ANK2: variants seen among roughly 807,000 people sequenced by gnomAD.
ANK2 encodes ankyrin-2.
In ANK2, 83 loss-of-function variants were observed where a neutral mutation model predicts 360.5. The ratio of observed to expected loss-of-function variants is 0.23; its 90% CI spans 0.19 to 0.28. The LOEUF (loss-of-function observed/expected upper bound fraction) is 0.28, where lower values mean the gene tolerates loss of function less well. Among genes scored for constraint, ANK2 ranks in the 10% least tolerant of loss-of-function variants. The pLI is 1.00. For missense variants in ANK2, 4,201 were observed against 4,795.7 expected, an observed-to-expected ratio of 0.88 and a Z score of 3.66; for synonymous variants, 1,740 against 1,759.5, an observed-to-expected ratio of 0.99 and a Z score of 0.28.
intron 2 of ANK2, among the ~76,000 whole-genome samples, chr4:113,016,503 G>A (rs1417212048): frequency 6.6e-6 from 1 of 151,948 alleles, no homozygotes; most frequent in Non-Finnish European, 1.5e-5. Context: ...TCTGCTCCAG[G>A]GATGCTCTTC....
Position 113,106,909 on chromosome 4 carries a change from C to A in ANK2, c.84+57097C>A, listed in dbSNP as rs761062263. The A allele has an allele frequency of 9.4e-6, 5 of 533,398 alleles. No individual in the cohort carries two copies. In the African/African-American group the frequency reaches 9.6e-5, roughly 10 times the overall value. 33.0% of individuals were successfully genotyped at this position (533,398 alleles called of 1,614,324 possible). A position where few individuals can be genotyped will look rare whatever the true frequency, so the allele number is the denominator to read the frequency against. ...GAGTGAAATAAAGGTCCATCTCCTG[C>A]CTATTTATTACTTTGCTTTGGTAAT... On this transcript the variant is annotated intron_variant, in intron 1 of 45. Coordinates refer to ENST00000357077, the MANE Select transcript of ANK2 (RefSeq NM_001148.6).
chr4:113,082,886 A>T (rs1021194592), intron 1 of ANK2, among the ~76,000 whole-genome samples: 2 of 152,144 alleles, frequency 1.3e-5, no homozygotes, highest in African/African-American at 4.8e-5. Flanking sequence ...TATAAAATCG[A>T]GCCATCTTTG....
At chr4:113,020,279 T>C (rs2057710453) in intron 2 of ANK2, among the ~76,000 whole-genome samples, 1 of 152,194 alleles carries the variant, frequency 6.6e-6, no homozygotes, top group Non-Finnish European at 1.5e-5. Flanking sequence ...CTTAAACTCC[T>C]GGTCTCAAGC....
chr4:113,127,472 T>G (rs1451378327), intron 1 of ANK2, among the ~76,000 whole-genome samples: 1 of 152,006 alleles, frequency 6.6e-6, no homozygotes, highest in Admixed American at 6.6e-5. Context: ...TTTTGTTTTT[T>G]TTTTTAATAC....
At position 112,821,499 on chromosome 4, in the gene ANK2, A is replaced by ATT. The variant is rs952095787; in HGVS notation, c.-40+3245_-40+3246dup. 1.4e-3 allele frequency among the ~76,000 whole-genome samples: 200 copies of ATT among 144,452 alleles called. 4 individuals carry two copies. Among genetic ancestry groups the ATT allele is most frequent in the African/African-American group, 3.9e-3 (155 of 39,258 alleles). 94.8% of individuals were successfully genotyped at this position (144,452 alleles called of 152,430 possible). ...CTTTCTGAGAATGTAGACTACCCTA[A>ATT]TTTTTTTTTTTATTTTTTTTTTGAG... is the stretch of plus-strand genomic sequence containing the variant. On this transcript the variant is annotated intron_variant, in intron 1 of 30. Coordinates refer to the ANK2 transcript ENST00000503271.
At chr4:113,177,205 C>T (rs954682990) in intron 2 of ANK2, among the ~76,000 whole-genome samples, 2 of 152,116 alleles carry the variant, frequency 1.3e-5, no homozygotes, top group Admixed American at 6.5e-5. Context: ...CTCAGCCTCC[C>T]GAGTAGCTGG....
In ANK2 at chr4:112,937,877, T is replaced by C. The variant is rs899971437; in HGVS notation, c.21+33363T>C. Among the ~76,000 whole-genome samples, 3 of 152,338 alleles carry C rather than the reference T, an allele frequency of 2.0e-5. No homozygotes were observed. The South Asian group carries it at 6.2e-4, about 32-fold the overall frequency. ...GGCCTCTGCAACTTATTAGCTGTCT[T>C]AGTGGCCTTGGGCAAGTTATTCCAT... On this transcript the variant is annotated intron_variant, in intron 2 of 30. Coordinates refer to the ANK2 transcript ENST00000503271.
At chr4:113,046,415 A>C (rs2064408247), upstream of ANK2, among the ~76,000 whole-genome samples, 1 of 152,068 alleles carries the variant, frequency 6.6e-6, no homozygotes, top group Non-Finnish European at 1.5e-5. Context: ...ATCATGTTGA[A>C]ACTTAACCCC....
At chr4:112,731,618 C>T in the ANK2 span, among the ~76,000 whole-genome samples, 2 of 150,766 alleles carry the variant, frequency 1.3e-5, no homozygotes, top group African/African-American at 4.9e-5. Flanking sequence ...TAGTCCCCAG[C>T]TATTTCAGAG....
chr4:113,243,965 T>C (rs2041437571), intron 9 of ANK2, among the ~76,000 whole-genome samples: 1 of 152,198 alleles, frequency 6.6e-6, no homozygotes, highest in African/African-American at 2.4e-5. Context: ...TTTGTTCTTA[T>C]TAATCAACAG....
upstream of ANK2, among the ~76,000 whole-genome samples, chr4:113,048,270 ATATATATTTTTTTTTTTTTTT>A (rs1212117696): frequency 3.2e-5 from 2 of 62,310 alleles, no homozygotes; most frequent in South Asian, 5.4e-4. Flanking sequence ...ATATATATAT[ATATATATTTTTTTTTTTTTTT>A]TTTTTTTTTT....
intron 1 of ANK2, among the ~76,000 whole-genome samples, chr4:112,889,841 C>T (rs1027062213): frequency 1.3e-5 from 2 of 152,166 alleles, no homozygotes; most frequent in Non-Finnish European, 2.9e-5. Context: ...AACACAATTA[C>T]CACATAATGT....
intron 2 of ANK2, among the ~76,000 whole-genome samples, chr4:113,195,417 T>A (rs986887306): frequency 6.6e-6 from 1 of 152,152 alleles, no homozygotes; most frequent in African/African-American, 2.4e-5. Context: ...ATAATGTAAA[T>A]AATTTCTATA....
At chr4:112,810,565 T>G in the ANK2 span, among the ~76,000 whole-genome samples, 4 of 152,260 alleles carry the variant, frequency 2.6e-5, no homozygotes, top group East Asian at 7.7e-4. Flanking sequence ...TTTTATTTTA[T>G]TTTTTAGATG....
At chr4:113,345,832 C>T (rs1265157153) in intron 34 of ANK2, 68 bp from the exon 35 acceptor site, 1 of 1,586,698 alleles carries the variant, frequency 6.3e-7, no homozygotes, top group East Asian at 2.2e-5. Flanking sequence ...CCCTTTCAAG[C>T]ATCATCTAGT....
chr4:113,038,189 A>G (rs1335835505), intron 2 of ANK2, among the ~76,000 whole-genome samples: 1 of 152,016 alleles, frequency 6.6e-6, no homozygotes, highest in Non-Finnish European at 1.5e-5. Flanking sequence ...GAGAGGCTAA[A>G]GAAAGTTCAA....
chr4:113,151,197 C>T, intron 1 of ANK2: 1 of 1,200,634 alleles, frequency 8.3e-7, no homozygotes, highest in Non-Finnish European at 1.1e-6. Context: ...TTATAACCTT[C>T]TGCTCAAAAA....
At chr4:112,946,611 T>C (rs989338515) in intron 2 of ANK2, among the ~76,000 whole-genome samples, 1 of 152,196 alleles carries the variant, frequency 6.6e-6, no homozygotes, top group Non-Finnish European at 1.5e-5. Context: ...AAATTAAGTT[T>C]ATACAGGAAA....
chr4:112,835,519 A>G (rs1362344363), intron 1 of ANK2, among the ~76,000 whole-genome samples: 1 of 152,146 alleles, frequency 6.6e-6, no homozygotes, highest in African/African-American at 2.4e-5. Context: ...TGTGTGTATG[A>G]ATTTAGTATA....
Sources: gnomAD v4.1 joint callset for allele counts (sites outside exome capture counted in the v4.1 genomes callset) on GRCh38, gnomAD v4.1.1 for gene constraint, MANE v1.5 for transcripts, NCBI Gene and HGNC (gene_info 2026-07-23, HGNC 2026-07-21) for gene names.